Variants in PLCH1 observed in about 807,000 individuals in gnomAD.
PLCH1 encodes phospholipase C eta 1.
Under a neutral mutation model 126.7 loss-of-function variants are expected in PLCH1, and 60 were observed. That is an observed-to-expected ratio of 0.47 (90% CI 0.38 to 0.59). The LOEUF is 0.59. PLCH1 is among the 20% of genes least tolerant of loss of function. The pLI is 0.00. For missense variants in PLCH1, 1,723 were observed against 2,040.0 expected (o/e 0.84, Z 2.99); for synonymous variants, 719 against 734.9 (o/e 0.98, Z 0.35).
chr3:155,497,994 C>A (rs112217750), intron 14 of PLCH1, among the ~76,000 whole-genome samples: 9 of 152,242 alleles, frequency 5.9e-5, no homozygotes, highest in African/African-American at 2.2e-4. Flanking sequence ...GGATTACAGA[C>A]GCAAGCCACA....
chr3:155,639,425 C>A (rs1739134142), intron 2 of PLCH1, among the ~76,000 whole-genome samples: 1 of 152,156 alleles, frequency 6.6e-6, no homozygotes, highest in South Asian at 2.1e-4. Context: ...CATGTAACTG[C>A]ATTCCAGGCT....
chr3:155,708,419 T>G (rs1455769858), intron 1 of PLCH1, among the ~76,000 whole-genome samples: 1 of 152,148 alleles, frequency 6.6e-6, no homozygotes, highest in African/African-American at 2.4e-5. Flanking sequence ...AAGACAAACC[T>G]CTCATGGTGT....
rs1725882819 is a variant in PLCH1 at position 155,549,934 on chromosome 3, C to T, written c.1215G>A (p.Glu405=). ...KNEFPVILSI[E]NHCSIQQQRK... ...TTTGCTGCTGGATACTGCAGTGATTCTCGATAGACAATATAACAGGAAACC... is the reference window on the plus strand; with the variant it reads ...TTTGCTGCTGGATACTGCAGTGATTTTCGATAGACAATATAACAGGAAACC... Residue 405 remains glutamate, a synonymous_variant, in exon 10 of 23, where the codon GAG becomes GAA. Coordinates refer to ENST00000460012, the MANE Select transcript of PLCH1 (RefSeq NM_014996.4). The T allele has an allele frequency of 6.2e-7, 1 of 1,613,804 alleles. No homozygotes were observed. The highest frequency in any genetic ancestry group is 1.3e-5 in the African/African-American group (1 of 75,012).
At chr3:155,530,402 C>G (rs935917735) in intron 10 of PLCH1, among the ~76,000 whole-genome samples, 1 of 151,474 alleles carries the variant, frequency 6.6e-6, no homozygotes, top group South Asian at 2.1e-4. Flanking sequence ...CTGCAAGCTC[C>G]GCCTCCCGGG....
At chr3:155,582,556 C>T (rs905862533) in intron 6 of PLCH1, among the ~76,000 whole-genome samples, 10 of 152,138 alleles carry the variant, frequency 6.6e-5, no homozygotes, top group African/African-American at 2.4e-4. Context: ...AGAATTATTT[C>T]TACTGATTAT....
chr3:155,699,320 A>G (rs543789112), intron 2 of PLCH1, among the ~76,000 whole-genome samples: 1 of 152,124 alleles, frequency 6.6e-6, no homozygotes, highest in African/African-American at 2.4e-5. Context: ...CAGGTGATCC[A>G]CCTGCCTCGG....
intron 21 of PLCH1, among the ~76,000 whole-genome samples, chr3:155,451,980 A>G (rs940783383): frequency 7.2e-5 from 11 of 152,080 alleles, no homozygotes; most frequent in African/African-American, 9.7e-5. Context: ...CATTCCTTAT[A>G]ATAAATCTCT....
chr3:155,686,135 C>CGT (rs986225248), intron 2 of PLCH1, among the ~76,000 whole-genome samples: 3 of 151,868 alleles, frequency 2.0e-5, no homozygotes, highest in Non-Finnish European at 4.4e-5. Context: ...TGCATGCATG[C>CGT]GTGTGTGTGT....
At chr3:155,460,953 G>A (rs1386172932) in intron 21 of PLCH1, among the ~76,000 whole-genome samples, 1 of 152,106 alleles carries the variant, frequency 6.6e-6, no homozygotes. Flanking sequence ...TCTAACCTCT[G>A]GCACTTAGTT....
chr3:155,571,208 A>G (rs953732261), intron 6 of PLCH1, among the ~76,000 whole-genome samples: 2 of 152,210 alleles, frequency 1.3e-5, no homozygotes, highest in Non-Finnish European at 2.9e-5. Flanking sequence ...CAACAACACC[A>G]AGTGTAAAAT....
chr3:155,552,168 A>G (rs2108459934), intron 9 of PLCH1, among the ~76,000 whole-genome samples: 1 of 152,342 alleles, frequency 6.6e-6, no homozygotes, highest in Admixed American at 6.5e-5. Context: ...AAGGCTACTA[A>G]CTTCTAAAAA....
At chr3:155,518,913 A>G (rs911612022) in intron 11 of PLCH1, among the ~76,000 whole-genome samples, 9 of 152,224 alleles carry the variant, frequency 5.9e-5, no homozygotes, top group African/African-American at 2.2e-4. Context: ...GAAAGGCTCA[A>G]AATACAAAGC....
At chr3:155,720,089 T>A (rs905912691) in intron 1 of PLCH1, among the ~76,000 whole-genome samples, 2 of 152,206 alleles carry the variant, frequency 1.3e-5, no homozygotes, top group Non-Finnish European at 2.9e-5. Flanking sequence ...CTACCATGCC[T>A]GGCCTACATT....
chr3:155,685,218 G>C (rs940941078), intron 2 of PLCH1, among the ~76,000 whole-genome samples: 1 of 152,198 alleles, frequency 6.6e-6, no homozygotes, highest in African/African-American at 2.4e-5. Context: ...CAAAAGCTGG[G>C]AACATGAAGA....
intron 8 of PLCH1, among the ~76,000 whole-genome samples, chr3:155,555,128 G>T (rs1726639951): frequency 1.3e-5 from 2 of 152,254 alleles, no homozygotes; most frequent in Admixed American, 6.5e-5. Context: ...GAAGTAAGTA[G>T]TCTGTAAATA....
chr3:155,574,992 A>G (rs1219548084), intron 6 of PLCH1, among the ~76,000 whole-genome samples: 1 of 151,982 alleles, frequency 6.6e-6, no homozygotes, highest in Non-Finnish European at 1.5e-5. Flanking sequence ...TCAGCCAGGT[A>G]TGGTGGCGGG....
intron 2 of PLCH1, among the ~76,000 whole-genome samples, chr3:155,668,548 G>A (rs16825227): frequency 0.015 from 2,240 of 152,232 alleles, 59 homozygotes; most frequent in African/African-American, 0.051. Flanking sequence ...GACAACTGTG[G>A]AGAGATTACA....
At chr3:155,467,742 T>C (rs747740804) in intron 21 of PLCH1, among the ~76,000 whole-genome samples, 41 of 152,268 alleles carry the variant, frequency 2.7e-4, no homozygotes, top group South Asian at 1.2e-3. Flanking sequence ...TAAAATAGTA[T>C]AACTGGCAAA....
intron 21 of PLCH1, among the ~76,000 whole-genome samples, chr3:155,466,468 T>G (rs1712934592): frequency 6.6e-6 from 1 of 152,294 alleles, no homozygotes; most frequent in Admixed American, 6.5e-5. Context: ...ACAGCTGAGA[T>G]CACAACACTC....
Sources: allele counts gnomAD v4.1 joint callset (sites outside exome capture counted in the v4.1 genomes callset), GRCh38; gene constraint gnomAD v4.1.1; transcripts MANE v1.5; gene names NCBI Gene and HGNC (gene_info 2026-07-23, HGNC 2026-07-21).